PLA2G4D: variants seen among roughly 807,000 people sequenced by gnomAD.
PLA2G4D encodes phospholipase A2 group IVD.
A neutral mutation model predicts 94.4 loss-of-function variants in PLA2G4D; 80 were observed. That is an observed-to-expected ratio of 0.85 (90% CI 0.71 to 1.02). The LOEUF (loss-of-function observed/expected upper bound fraction) is 1.02, where lower values mean the gene tolerates loss of function less well. Ranked by LOEUF, PLA2G4D falls within the 50% of genes least tolerant of loss-of-function variation. PLA2G4D has a pLI of 0.00. For missense variants in PLA2G4D, 1,050 were observed against 1,034.7 expected, an observed-to-expected ratio of 1.01 and a Z score of -0.20; for synonymous variants, 438 against 440.9, an observed-to-expected ratio of 0.99 and a Z score of 0.08.
At chr15:42,069,020 C>T (rs1889746376) in intron 19 of PLA2G4D, 79 bp from the exon 20 acceptor site, 1 of 1,334,700 alleles carries the variant, frequency 7.5e-7, no homozygotes, top group African/African-American at 1.4e-5. Flanking sequence ...GGGAGGGCTG[C>T]CCCCGCTGGA....
At chr15:42,093,974 G>A (rs1342475649) in intron 1 of PLA2G4D, among the ~76,000 whole-genome samples, 1 of 152,154 alleles carries the variant, frequency 6.6e-6, no homozygotes, top group African/African-American at 2.4e-5. Flanking sequence ...CACAGCTCTT[G>A]GGCCTACTAA....
chr15:42,070,326 C>A (rs918170972), intron 18 of PLA2G4D: 36 of 530,294 alleles, frequency 6.8e-5, no homozygotes, highest in African/African-American at 2.0e-5. Context: ...GACCCATCCC[C>A]CAGCCCCCCA....
At chr15:42,092,765 A>C (rs566933623) in intron 1 of PLA2G4D, among the ~76,000 whole-genome samples, 1 of 152,114 alleles carries the variant, frequency 6.6e-6, no homozygotes, top group Non-Finnish European at 1.5e-5. Flanking sequence ...TTTGCCAGGA[A>C]GTTTTGTGAG....
chr15:42,072,323 A>G lies in PLA2G4D; in HGVS notation c.1387T>C (p.Leu463=), dbSNP rs1889841925. 1.5e-5 allele frequency: 25 copies of G among 1,613,878 alleles called. No homozygotes were observed. The highest frequency in any genetic ancestry group is 2.1e-5 in the Non-Finnish European group (25 of 1,179,980). The stretch of plus-strand genomic sequence containing the variant: ...TTGTTCTCTTTGACATTGAGGCTCA[A>G]GTAGAGGGGCAGAGGGTTCTGACCC... ...ERGQNPLPLY[L]SLNVKENNLE... The change falls in exon 14 of 20, where the codon TTG becomes CTG. Residue 463 remains leucine (L), a synonymous_variant. Coordinates refer to ENST00000290472, the MANE Select transcript of PLA2G4D (RefSeq NM_178034.4).
intron 15 of PLA2G4D, 65 bp downstream of exon 15, chr15:42,071,709 G>C: frequency 2.1e-6 from 3 of 1,440,060 alleles, no homozygotes; most frequent in South Asian, 2.3e-5. Flanking sequence ...CTGAGCTACA[G>C]GACCCATGTC....
chr15:42,091,116 G>C (rs1890237631), intron 1 of PLA2G4D, among the ~76,000 whole-genome samples: 2 of 152,176 alleles, frequency 1.3e-5, no homozygotes, highest in South Asian at 4.1e-4. Context: ...TCTTTCTGTA[G>C]GGTGACAATA....
intron 2 of PLA2G4D, 61 bp from the exon 3 acceptor site, chr15:42,087,497 T>G: frequency 6.2e-7 from 1 of 1,610,250 alleles, no homozygotes; most frequent in African/African-American, 1.3e-5. Flanking sequence ...CCATGAGCCA[T>G]GCCAGTTTCC....
chr15:42,070,116 C>G (rs749303722), intron 18 of PLA2G4D, 21 bp from the exon 19 acceptor site: 1 of 1,478,364 alleles, frequency 6.8e-7, no homozygotes, highest in East Asian at 2.8e-5. Flanking sequence ...GAAGGTGGCC[C>G]GGAGAGAACC....
In PLA2G4D at chr15:42,083,215, GCT is replaced by G. The variant is rs1362110090; in HGVS notation, c.653_654del (p.Glu218AlafsTer58). On this transcript the variant is annotated frameshift_variant, in exon 8 of 20. Transcript: ENST00000290472. LOFTEE classifies it high-confidence loss of function. Reference sequence around the variant, plus strand: ...AGACCCACCCTCAGGCGCCCGCTCAGCTCTGTCTCTAGGGCTGCCATGTAGTG... The same window carrying G: ...AGACCCACCCTCAGGCGCCCGCTCAGCTGTCTCTAGGGCTGCCATGTAGTG... ...RFHYMAALET[E>X]LSGRLRSSRS... is the part of the protein sequence containing the mutation. 20 of 1,613,886 alleles carry G rather than the reference GCT, an allele frequency of 1.2e-5. No homozygotes were observed. Among genetic ancestry groups the G allele is most frequent in the African/African-American group, 2.7e-5 (2 of 74,930 alleles).
chr15:42,082,405 C>A lies in PLA2G4D; in HGVS notation c.673-16G>T. The stretch of plus-strand genomic sequence containing the variant: ...TTCTGGAGCTCTGAAGGGAAAGCAT[C>A]ATTCATTCATTCATTCATTCATTCA... On this transcript the variant is annotated splice_polypyrimidine_tract_variant and intron_variant, in intron 8 of 19. Coordinates refer to ENST00000290472, the MANE Select transcript of PLA2G4D (RefSeq NM_178034.4). The A allele has an allele frequency of 6.7e-7, 1 of 1,493,654 alleles. No individual in the cohort carries two copies. 92.5% of individuals were successfully genotyped at this position (1,493,654 alleles called of 1,614,324 possible). A position where few individuals can be genotyped will look rare whatever the true frequency, so the allele number is the denominator to read the frequency against.
chr15:42,073,246 G>C (rs1889861661), intron 13 of PLA2G4D, among the ~76,000 whole-genome samples: 1 of 152,194 alleles, frequency 6.6e-6, no homozygotes, highest in African/African-American at 2.4e-5. Flanking sequence ...CAATCCACCT[G>C]CCTTGGCGTC....
Position 42,068,853 on chromosome 15 carries a change from G to A in PLA2G4D, c.2319C>T (p.Tyr773=). Residue 773 remains tyrosine (Y), a synonymous_variant, in exon 20 of 20, where the codon TAC becomes TAT. Coordinates refer to ENST00000290472, the MANE Select transcript of PLA2G4D (RefSeq NM_178034.4). Reference sequence around the variant, plus strand: ...GCAGGCGCTCGAAGTCTTCCTCCTTGTAGGTCATGTTGGACAGGGTGTAGG... The same window carrying A: ...GCAGGCGCTCGAAGTCTTCCTCCTTATAGGTCATGTTGGACAGGGTGTAGG... ...TCPYTLSNMT[Y]KEEDFERLLR... 6.2e-7 allele frequency: 1 copy of A among 1,613,964 alleles called. No homozygotes were observed. Among genetic ancestry groups the A allele is most frequent in the Non-Finnish European group, 8.5e-7 (1 of 1,179,984 alleles).
Position 42,068,350 on chromosome 15 carries a change from A to T in PLA2G4D, c.*365T>A. On this transcript the variant is annotated 3_prime_UTR_variant, in exon 20 of 20. Transcript: ENST00000290472. ...ATGTCTTGTGATTCCCGAGGCCTGAAGCCACCTGTCAGGTCAGGCATCCCC... is the reference window on the plus strand; with the variant it reads ...ATGTCTTGTGATTCCCGAGGCCTGATGCCACCTGTCAGGTCAGGCATCCCC... 1 of 236,614 alleles carries T rather than the reference A, an allele frequency of 4.2e-6. No individual in the cohort carries two copies. Among genetic ancestry groups the T allele is most frequent in the Non-Finnish European group, 8.3e-6 (1 of 119,880 alleles). The allele number at this position is 236,614 out of a possible 1,614,324, so 14.7% of individuals were successfully genotyped here. A position where few individuals can be genotyped will look rare whatever the true frequency, so the allele number is the denominator to read the frequency against.
chr15:42,083,671 C>T (rs781188117), intron 7 of PLA2G4D, 45 bp downstream of exon 7: 2 of 1,608,748 alleles, frequency 1.2e-6, no homozygotes, highest in South Asian at 2.2e-5. Flanking sequence ...CCTCCTCACC[C>T]CCACATCCAG....
intron 12 of PLA2G4D, among the ~76,000 whole-genome samples, chr15:42,080,617 T>G (rs780988010): frequency 9.2e-5 from 14 of 152,298 alleles, no homozygotes; most frequent in Non-Finnish European, 1.5e-4. Flanking sequence ...TTTACTTGGG[T>G]GATCCCCACA....
chr15:42,087,465 G>A, intron 2 of PLA2G4D, 29 bp from the exon 3 acceptor site: 1 of 1,613,674 alleles, frequency 6.2e-7, no homozygotes, highest in Non-Finnish European at 8.5e-7. Context: ...TCTTCGTGAG[G>A]GAGTACTCCC....
At chr15:42,079,860 T>C (rs1253816790) in intron 12 of PLA2G4D, 101 bp from the exon 13 acceptor site, 2 of 1,157,498 alleles carry the variant, frequency 1.7e-6, no homozygotes. Context: ...ACGTGGCTCC[T>C]GCCACCAAGG....
At position 42,080,918 on chromosome 15, in the gene PLA2G4D, C is replaced by T. The variant is rs72727758; in HGVS notation, c.1094+79G>A. The T allele has an allele frequency of 0.013, 20,391 of 1,518,600 alleles. 192 individuals are homozygous for T. Among genetic ancestry groups the T allele is most frequent in the Non-Finnish European group, 0.014 (16,227 of 1,129,862 alleles). The allele number at this position is 1,518,600 out of a possible 1,614,324, so 94.1% of individuals were successfully genotyped here. A position where few individuals can be genotyped will look rare whatever the true frequency, so the allele number is the denominator to read the frequency against. ...ATCACACCTACTTGGCCTCCCCACA[C>T]AAAGTGTCCCTCTGGTGCCCACTCT... On this transcript the variant is annotated intron_variant, in intron 12 of 19. Transcript: ENST00000290472.
In PLA2G4D at chr15:42,085,155, A is replaced by G. The variant is rs200948019; in HGVS notation, c.429-17T>C. 1,382 of 1,614,170 alleles carry G rather than the reference A, an allele frequency of 8.6e-4. 18 individuals are homozygous for G. In the South Asian group the frequency reaches 0.014, roughly 17 times the overall value. On this transcript the variant is annotated splice_polypyrimidine_tract_variant and intron_variant, in intron 5 of 19. Transcript: ENST00000290472. ...CGATCTGACCTGGAAAAATCAAACC[A>G]TGCAAAGGCAAACGCTTCCTGCATT...
Sources: gnomAD v4.1 joint callset for allele counts (sites outside exome capture counted in the v4.1 genomes callset) on GRCh38, gnomAD v4.1.1 for gene constraint, MANE v1.5 for transcripts, NCBI Gene and HGNC (gene_info 2026-07-23, HGNC 2026-07-21) for gene names.